AFF4: variants seen among roughly 807,000 people sequenced by gnomAD.
AFF4 encodes AF4/FMR2 family member 4.
In AFF4, 13 loss-of-function variants were observed where a neutral mutation model predicts 124.8. The observed-to-expected ratio is 0.10, with a 90% CI of 0.07 to 0.17. The LOEUF (loss-of-function observed/expected upper bound fraction) is 0.17, where lower values mean the gene tolerates loss of function less well. Among genes scored for constraint, AFF4 ranks in the 10% least tolerant of loss-of-function variants. AFF4 has a pLI of 1.00. For missense variants in AFF4, 1,092 were observed against 1,403.8 expected (o/e 0.78, Z 3.55); for synonymous variants, 477 against 496.1 (o/e 0.96, Z 0.51).
In AFF4 at chr5:132,936,278, A is replaced by AAG. The variant is rs1256360180; in HGVS notation, c.123+788_123+789insCT. ...CAAGACTCCGTCTCAAAAAAAAAAA[A>AAG]AAAAAAAAAAAAAAATTAACTTCCA... is the stretch of plus-strand genomic sequence containing the variant. On this transcript the variant is annotated intron_variant, in intron 2 of 20. Coordinates refer to ENST00000265343, the MANE Select transcript of AFF4 (RefSeq NM_014423.4). Among the ~76,000 whole-genome samples, 3 of 149,982 alleles carry AAG rather than the reference A, an allele frequency of 2.0e-5. No homozygotes were observed. In the East Asian group the frequency reaches 5.8e-4, roughly 29 times the overall value.
At position 132,880,644 on chromosome 5, in the gene AFF4, T is replaced by C; in HGVS notation, c.*415A>G. 1 of 323,708 alleles carries C rather than the reference T, an allele frequency of 3.1e-6. No individual in the cohort carries two copies. The highest frequency in any genetic ancestry group is 4.6e-5 in the East Asian group (1 of 21,622). The allele number at this position is 323,708 out of a possible 1,614,324, so 20.1% of individuals were successfully genotyped here. ...TAATAAAGCTCCCAAGGTATATAAA[T>C]AAAAATGTCTACATTAAATTTATGC... On this transcript the variant is annotated 3_prime_UTR_variant, in exon 21 of 21. Transcript: ENST00000265343.
chr5:132,955,213 T>G (rs961136725), intron 1 of AFF4, among the ~76,000 whole-genome samples: 2 of 152,104 alleles, frequency 1.3e-5, no homozygotes, highest in African/African-American at 4.8e-5. Context: ...CCTCTGCTAG[T>G]GGAGCTTGGA....
chr5:132,959,637 G>A (rs1235985113), intron 1 of AFF4, among the ~76,000 whole-genome samples: 1 of 151,766 alleles, frequency 6.6e-6, no homozygotes, highest in Non-Finnish European at 1.5e-5. Context: ...GAATGCAGAT[G>A]ATGTGCCAAA....
intron 4 of AFF4, among the ~76,000 whole-genome samples, chr5:132,931,766 GC>G (rs1761305151): frequency 1.3e-5 from 2 of 152,160 alleles, no homozygotes; most frequent in African/African-American, 2.4e-5. Flanking sequence ...GGCCAGCCTG[GC>G]CACCCCAACT....
intron 12 of AFF4, among the ~76,000 whole-genome samples, chr5:132,892,785 C>A (rs142366046): frequency 2.6e-5 from 4 of 152,254 alleles, no homozygotes; most frequent in African/African-American, 4.8e-5. Flanking sequence ...TACTTTAATT[C>A]TCCCCCCATA....
In AFF4 at chr5:132,928,097, T is replaced by A. The variant is rs115315609; in HGVS notation, c.964-890A>T. Among the ~76,000 whole-genome samples the A allele has an allele frequency of 6.3e-3, 964 of 152,064 alleles. 16 individuals carry two copies. Among genetic ancestry groups the A allele is most frequent in the African/African-American group, 0.022 (907 of 41,480 alleles). On this transcript the variant is annotated intron_variant, in intron 4 of 20. Coordinates refer to ENST00000265343, the MANE Select transcript of AFF4 (RefSeq NM_014423.4). Reference sequence around the variant, plus strand: ...CCTAGGAATTTATCCCATAGCAATATCCACACAGTTTTGTAAAGATATACG... The same window carrying A: ...CCTAGGAATTTATCCCATAGCAATAACCACACAGTTTTGTAAAGATATACG...
At position 132,958,219 on chromosome 5, in the gene AFF4, C is replaced by T. The variant is rs146861671; in HGVS notation, c.-5+5040G>A. ...ATTTTTCGTGATGTTACTCAGCAGG[C>T]TATAGTCCCATAGTAGCTGCATAAC... On this transcript the variant is annotated intron_variant, in intron 1 of 20. Coordinates refer to ENST00000265343, the MANE Select transcript of AFF4 (RefSeq NM_014423.4). Among the ~76,000 whole-genome samples, 106 of 151,980 alleles carry T rather than the reference C, an allele frequency of 7.0e-4. 1 individual carries two copies. The highest frequency in any genetic ancestry group is 2.3e-3 in the African/African-American group (96 of 41,460).
chr5:132,896,219 C>T (rs1016585745), intron 11 of AFF4, 104 bp downstream of exon 11: 1 of 1,383,832 alleles, frequency 7.2e-7, no homozygotes, highest in Non-Finnish European at 9.7e-7. Context: ...CACTATTTTC[C>T]TTCACAGCTT....
intron 10 of AFF4, among the ~76,000 whole-genome samples, chr5:132,897,453 T>C (rs563463952): frequency 6.6e-6 from 1 of 152,208 alleles, no homozygotes; most frequent in Non-Finnish European, 1.5e-5. Flanking sequence ...GGCTCACACC[T>C]GTAATCCCAG....
intron 1 of AFF4, among the ~76,000 whole-genome samples, chr5:132,958,230 T>C (rs1226358704): frequency 1.3e-5 from 2 of 151,994 alleles, no homozygotes; most frequent in African/African-American, 2.4e-5. Flanking sequence ...TATAGTCCCA[T>C]AGTAGCTGCA....
In AFF4 at chr5:132,896,411, T is replaced by C. The variant is rs1278586333; in HGVS notation, c.2219A>G (p.Glu740Gly). The C allele has an allele frequency of 1.9e-6, 3 of 1,613,954 alleles. No homozygotes were observed. Among genetic ancestry groups the C allele is most frequent in the Admixed American group, 3.3e-5 (2 of 59,948 alleles). ...PYKETEPPKG[E>G]KKNVPEKHTR... ...GTGCTTTTCTGGCACATTTTTCTTT[T>C]CCCCCTTGGGCGGCTCTGTTTCTTT... The change falls in exon 11 of 21, where the codon GAA (glutamate) becomes GGA (glycine). Residue 740 changes from glutamate (E) to glycine (G), a missense_variant. Transcript: ENST00000265343.
intron 5 of AFF4, among the ~76,000 whole-genome samples, chr5:132,907,651 A>G (rs1760700945): frequency 6.6e-6 from 1 of 152,182 alleles, no homozygotes; most frequent in African/African-American, 2.4e-5. Flanking sequence ...TGATCTAGCC[A>G]GGAAGATGAG....
At chr5:132,904,917 C>T (rs1387302071) in intron 5 of AFF4, among the ~76,000 whole-genome samples, 1 of 151,926 alleles carries the variant, frequency 6.6e-6, no homozygotes, top group East Asian at 1.9e-4. Context: ...GGCGTGGTGG[C>T]GTGCACCTGT....
At position 132,886,316 on chromosome 5, in the gene AFF4, G is replaced by A. The variant is rs147600850; in HGVS notation, c.3093C>T (p.His1031=). The change falls in exon 18 of 21, where the codon CAC becomes CAT. Residue 1031 remains histidine, a synonymous_variant. Coordinates refer to ENST00000265343, the MANE Select transcript of AFF4 (RefSeq NM_014423.4). ...TGTGCTTTTGCATACTTACCTTCAG[G>A]TGCTCTGTCAGTGTCTTTGAGTACT... is the stretch of plus-strand genomic sequence containing the variant. ...ALKYSKTLTE[H]LKNSYNNSQA... The A allele has an allele frequency of 1.2e-5, 19 of 1,613,310 alleles. No individual in the cohort carries two copies. Among genetic ancestry groups the A allele is most frequent in the Non-Finnish European group, 1.5e-5 (18 of 1,179,698 alleles).
chr5:132,955,795 A>AAAAAT lies in AFF4; in HGVS notation c.-5+7463_-5+7464insATTTT, dbSNP rs1554079227. On this transcript the variant is annotated intron_variant, in intron 1 of 20. Transcript: ENST00000265343. Reference sequence around the variant, plus strand: ...TCCATCTCAAAAAAAAAAAAAAAAAAATATATATATATATATATACACACA... The same window carrying AAAAAT: ...TCCATCTCAAAAAAAAAAAAAAAAAAAAAATATATATATATATATATATACACACA... Among the ~76,000 whole-genome samples, 108 of 117,514 alleles carry AAAAAT rather than the reference A, an allele frequency of 9.2e-4. 2 individuals carry two copies. The highest frequency in any genetic ancestry group is 3.5e-3 in the African/African-American group (98 of 27,930). 77.1% of individuals were successfully genotyped at this position (117,514 alleles called of 152,430 possible).
At chr5:132,958,603 G>T (rs758122002) in intron 1 of AFF4, among the ~76,000 whole-genome samples, 2 of 151,836 alleles carry the variant, frequency 1.3e-5, no homozygotes, top group African/African-American at 2.4e-5. Flanking sequence ...CTTTAAAAAC[G>T]GTGAAATTTT....
chr5:132,895,561 G>C (rs982455082), intron 11 of AFF4, among the ~76,000 whole-genome samples: 3 of 152,082 alleles, frequency 2.0e-5, no homozygotes, highest in African/African-American at 7.2e-5. Flanking sequence ...GACATGTATC[G>C]GAAGAAATTA....
chr5:132,950,901 G>C (rs1390616807), intron 1 of AFF4, among the ~76,000 whole-genome samples: 1 of 151,970 alleles, frequency 6.6e-6, no homozygotes, highest in Non-Finnish European at 1.5e-5. Flanking sequence ...CTTTCCATCA[G>C]CATTCAAACA....
In AFF4 at chr5:132,934,505, A is replaced by G. The variant is rs1440069926; in HGVS notation, c.560T>C (p.Val187Ala). ...RSSSPGKPQA[V>A]SSLNSSHSRS... is the part of the protein sequence containing the mutation. ...GGAATGACTAGAGTTTAATGAAGAA[A>G]CAGCCTGGGGTTTTCCAGGGCTGGA... The change falls in exon 3 of 21, where the codon GTT becomes GCT. Residue 187 changes from valine (V) to alanine (A), a missense_variant. Val to Ala is a moderately conservative substitution (Grantham distance 64). Around this residue, in one of 11 missense-constraint regions of AFF4, gnomAD observed 188 missense variants for 203.0 expected, o/e 0.93. Transcript: ENST00000265343. The G allele has an allele frequency of 6.2e-7, 1 of 1,614,052 alleles. No individual in the cohort carries two copies. The highest frequency in any genetic ancestry group is 1.7e-5 in the Admixed American group (1 of 60,000).
Sources: gnomAD v4.1 joint callset for allele counts (sites outside exome capture counted in the v4.1 genomes callset) on GRCh38, gnomAD v4.1.1 for gene constraint, gnomAD v4.1.1 regional missense constraint, MANE v1.5 for transcripts, NCBI Gene and HGNC (gene_info 2026-07-23, HGNC 2026-07-21) for gene names.